UNC79: variants seen among roughly 807,000 people sequenced by gnomAD.
The protein encoded by UNC79 is unc-79 subunit of NALCN channel complex.
UNC79 carries 37 observed loss-of-function variants against 283.1 expected under a neutral mutation model. The ratio of observed to expected loss-of-function variants is 0.13; its 90% CI spans 0.10 to 0.17. The LOEUF (loss-of-function observed/expected upper bound fraction) is 0.17. UNC79 is among the 10% of genes least tolerant of loss of function. The pLI, the probability that UNC79 is intolerant of heterozygous loss-of-function variation, is 1.00. For missense variants in UNC79, 2,272 were observed against 3,211.1 expected, an observed-to-expected ratio of 0.71 and a Z score of 7.07; for synonymous variants, 1,107 against 1,200.2, an observed-to-expected ratio of 0.92 and a Z score of 1.61.
chr14:93,662,486 A>G (rs2071702319), intron 39 of UNC79, 118 bp from the exon 43 acceptor site: 1 of 693,516 alleles, frequency 1.4e-6, no homozygotes, highest in South Asian at 2.6e-5. Context: ...CCACTGGGCA[A>G]CAGAGTTTTC....
intron 7 of UNC79, among the ~76,000 whole-genome samples, chr14:93,514,105 C>T (rs952162300): frequency 6.6e-6 from 1 of 152,032 alleles, no homozygotes; most frequent in African/African-American, 2.4e-5. Context: ...GAGAACAAGT[C>T]AGTAAGATTT....
chr14:93,487,825 C>T, intron 5 of UNC79, 70 bp downstream of exon 5: 1 of 1,427,256 alleles, frequency 7.0e-7, no homozygotes, highest in Non-Finnish European at 9.7e-7. Context: ...AACAAGCAGG[C>T]TAGATGTTCT....
At chr14:93,608,788 T>C (rs996084786) in intron 26 of UNC79, among the ~76,000 whole-genome samples, 35 of 152,234 alleles carry the variant, frequency 2.3e-4, no homozygotes, top group Non-Finnish European at 8.8e-5. Flanking sequence ...TTTGGGACTT[T>C]ATCAATTTTT....
At chr14:93,691,630 G>C in intron 45 of UNC79, 119 bp from the exon 49 acceptor site, 1 of 993,904 alleles carries the variant, frequency 1.0e-6, no homozygotes, top group Non-Finnish European at 1.6e-6. Flanking sequence ...CTGAGATAAC[G>C]TTATGCCTTT....
intron 47 of UNC79, among the ~76,000 whole-genome samples, chr14:93,704,372 A>G (rs923764847): frequency 6.6e-6 from 1 of 152,202 alleles, no homozygotes; most frequent in African/African-American, 2.4e-5. Context: ...CTTTCGAGAG[A>G]CAATCAGTCA....
intron 11 of UNC79, 105 bp downstream of exon 11, chr14:93,532,683 G>T: frequency 7.4e-7 from 1 of 1,347,070 alleles, no homozygotes. Flanking sequence ...TCCAGTATAT[G>T]CATGCCATTG....
chr14:93,533,194 T>C (rs2060910101), intron 11 of UNC79, among the ~76,000 whole-genome samples: 1 of 152,170 alleles, frequency 6.6e-6, no homozygotes, highest in Admixed American at 6.5e-5. Context: ...TTGGTTGAGA[T>C]TCTTGGACTC....
Position 93,430,897 on chromosome 14 carries a change from G to A in UNC79, c.-133G>A. On this transcript the variant is annotated 5_prime_UTR_variant, in exon 1 of 49. Transcript: ENST00000555664. This position sits in a 1 kb window ranked among gnomAD's most constrained non-coding sequence, Gnocchi z 4.6. ...TTTTGTCCGAATGGTAGCGACACGG[G>A]CCTAAGGGAGGGGGAAAGCGAGGGG... 1 of 486,328 alleles carries A rather than the reference G, an allele frequency of 2.1e-6. No individual in the cohort carries two copies. Among genetic ancestry groups the A allele is most frequent in the Non-Finnish European group, 3.8e-6 (1 of 264,868 alleles). 30.1% of individuals were successfully genotyped at this position (486,328 alleles called of 1,614,324 possible).
chr14:93,377,103 T>C (rs1034116769), intron 1 of UNC79, among the ~76,000 whole-genome samples: 3 of 145,354 alleles, frequency 2.1e-5, no homozygotes, highest in Non-Finnish European at 3.0e-5. Flanking sequence ...TTTCTTTTTT[T>C]TTTTTTTTTT....
intron 31 of UNC79, among the ~76,000 whole-genome samples, chr14:93,632,007 T>C (rs904028889): frequency 9.9e-4 from 151 of 152,370 alleles, no homozygotes; most frequent in African/African-American, 3.4e-3. Context: ...CATCAACACA[T>C]GCGTGATAGA....
chr14:93,574,984 A>C, intron 16 of UNC79, 74 bp from the exon 17 acceptor site: 1 of 1,503,280 alleles, frequency 6.7e-7, no homozygotes, highest in East Asian at 2.3e-5. Flanking sequence ...TTGGAAAAAG[A>C]AGGTTAAATA....
chr14:93,513,764 A>T (rs2059935202), intron 7 of UNC79, among the ~76,000 whole-genome samples: 2 of 152,176 alleles, frequency 1.3e-5, no homozygotes. Flanking sequence ...AAATATTGGA[A>T]CTTATTCCTT....
intron 7 of UNC79, among the ~76,000 whole-genome samples, chr14:93,507,561 T>G (rs148755951): frequency 2.0e-4 from 30 of 152,304 alleles, no homozygotes; most frequent in African/African-American, 5.5e-4. Context: ...ATTGGGTTCT[T>G]TATCTTCTTT....
rs2053857404 is a variant in UNC79, at chr14:93,347,132, A to AG, written c.-351+13614dup. ...AGGTGCTGGGCAGAAGGGGTGGGGT[A>AG]GGGGGCGAGGGCAGAGCGCCCCCTC... On this transcript the variant is annotated intron_variant, in intron 1 of 49. Transcript: ENST00000256339. The AG allele has an allele frequency of 6.5e-6, 6 of 925,268 alleles. No individual in the cohort carries two copies. In the Admixed American group the frequency reaches 8.2e-5, roughly 13 times the overall value. 57.3% of individuals were successfully genotyped at this position (925,268 alleles called of 1,614,324 possible).
At position 93,617,062 on chromosome 14, in the gene UNC79, T is replaced by C; in HGVS notation, c.4042-60T>C. 6.7e-7 allele frequency: 1 copy of C among 1,490,820 alleles called. No homozygotes were observed. Among genetic ancestry groups the C allele is most frequent in the Non-Finnish European group, 9.0e-7 (1 of 1,109,088 alleles). The allele number at this position is 1,490,820 out of a possible 1,614,324, so 92.3% of individuals were successfully genotyped here. Reference sequence around the variant, plus strand: ...CACTGGGATGGCTCAAATTTTTCCTTTTGACCTCTGAGTGTTCTTTGTAGT... The same window carrying C: ...CACTGGGATGGCTCAAATTTTTCCTCTTGACCTCTGAGTGTTCTTTGTAGT... On this transcript the variant is annotated intron_variant, in intron 27 of 48. Coordinates refer to ENST00000555664, the Ensembl canonical transcript of UNC79. This position sits in a 1 kb window ranked among gnomAD's most constrained non-coding sequence, Gnocchi z 4.5.
intron 8 of UNC79, among the ~76,000 whole-genome samples, chr14:93,526,649 A>G (rs747927031): frequency 6.6e-4 from 101 of 152,208 alleles, no homozygotes; most frequent in Non-Finnish European, 1.3e-3. Context: ...ATTAGTGTGG[A>G]TGTAAACCAA....
chr14:93,354,930 A>G (rs887276301), intron 1 of UNC79, among the ~76,000 whole-genome samples: 2 of 152,180 alleles, frequency 1.3e-5, no homozygotes, highest in African/African-American at 4.8e-5. Flanking sequence ...GAAGTAGATC[A>G]TGTTTGGCTT....
intron 8 of UNC79, among the ~76,000 whole-genome samples, chr14:93,526,167 C>G (rs996249513): frequency 6.6e-6 from 1 of 152,146 alleles, no homozygotes; most frequent in African/African-American, 2.4e-5. Context: ...CCCTTCTTTT[C>G]TATTTTAATT....
chr14:93,657,143 C>T (rs1433457826), intron 38 of UNC79, among the ~76,000 whole-genome samples: 2 of 152,034 alleles, frequency 1.3e-5, no homozygotes, highest in Non-Finnish European at 2.9e-5. Flanking sequence ...CTCGTTTGCC[C>T]ACAGATGTGG....
Sources: gnomAD v4.1 joint callset for allele counts (sites outside exome capture counted in the v4.1 genomes callset) on GRCh38, gnomAD v4.1.1 for gene constraint, Gnocchi (gnomAD v3.1) non-coding constraint, MANE v1.5 for transcripts, NCBI Gene and HGNC (gene_info 2026-07-23, HGNC 2026-07-21) for gene names.